MYO1E: variants seen among roughly 807,000 people sequenced by gnomAD.
MYO1E encodes the protein unconventional myosin-Ie.
A neutral mutation model predicts 151.1 loss-of-function variants in MYO1E; 68 were observed. That is an observed-to-expected ratio of 0.45 (90% CI 0.37 to 0.55). The LOEUF (loss-of-function observed/expected upper bound fraction) is 0.55. MYO1E is among the 20% of genes least tolerant of loss of function. The pLI is 0.00. For synonymous variants in MYO1E, 601 were observed against 501.7 expected (o/e 1.20, Z -2.64); for missense variants, 1,363 against 1,389.3 (o/e 0.98, Z 0.30).
chr15:59,307,687 G>A (rs1253893872), intron 1 of MYO1E, among the ~76,000 whole-genome samples: 2 of 151,778 alleles, frequency 1.3e-5, no homozygotes, highest in East Asian at 2.0e-4. Flanking sequence ...CTTGGCTCAC[G>A]GCAACCTCTG....
intron 4 of MYO1E, among the ~76,000 whole-genome samples, chr15:59,255,308 G>T (rs1358534465): frequency 1.3e-5 from 2 of 152,120 alleles, no homozygotes; most frequent in Non-Finnish European, 2.9e-5. Flanking sequence ...TGTAGAGATG[G>T]GGTTTCGCCA....
intron 1 of MYO1E, among the ~76,000 whole-genome samples, chr15:59,288,223 T>C (rs1359130161): frequency 1.3e-5 from 2 of 152,224 alleles, no homozygotes; most frequent in Non-Finnish European, 2.9e-5. Context: ...TCACCCAGGC[T>C]AGAGTGCAGT....
chr15:59,297,609 C>T (rs1048831025), intron 1 of MYO1E, among the ~76,000 whole-genome samples: 2 of 151,630 alleles, frequency 1.3e-5, no homozygotes, highest in Non-Finnish European at 2.9e-5. Flanking sequence ...GAGACAGGGT[C>T]GTGCTCTTGT....
chr15:59,342,153 C>G (rs1484839181), intron 1 of MYO1E, among the ~76,000 whole-genome samples: 1 of 152,166 alleles, frequency 6.6e-6, no homozygotes, highest in Non-Finnish European at 1.5e-5. Flanking sequence ...TTTTCATACA[C>G]CTGTTTGCCA....
intron 4 of MYO1E, among the ~76,000 whole-genome samples, chr15:59,249,113 T>C (rs1156639671): frequency 6.6e-6 from 1 of 152,062 alleles, no homozygotes; most frequent in East Asian, 1.9e-4. Context: ...TCTCCTTCCT[T>C]GATTTATTTC....
At chr15:59,161,263 A>C in intron 23 of MYO1E, 33 bp from the exon 24 acceptor site, 1 of 1,610,012 alleles carries the variant, frequency 6.2e-7, no homozygotes, top group Non-Finnish European at 8.5e-7. Context: ...AACAGGTCGA[A>C]GGACGCAGTG....
intron 4 of MYO1E, among the ~76,000 whole-genome samples, chr15:59,248,794 GA>G (rs779710089): frequency 6.6e-6 from 1 of 152,188 alleles, no homozygotes; most frequent in Non-Finnish European, 1.5e-5. Context: ...CACATCTTCA[GA>G]TAGAGGTGAC....
rs181147789 is a variant in MYO1E, at chr15:59,293,087, A to G, written c.4-20638T>C. On this transcript the variant is annotated intron_variant, in intron 1 of 27. Coordinates refer to ENST00000288235, the MANE Select transcript of MYO1E (RefSeq NM_004998.4). ...CACCACAGGTAAGGAATAAGTCTGCACTGAGTGGGAGAAAACAGTTTAGAA... is the reference window on the plus strand; with the variant it reads ...CACCACAGGTAAGGAATAAGTCTGCGCTGAGTGGGAGAAAACAGTTTAGAA... 8.3e-4 allele frequency among the ~76,000 whole-genome samples: 126 copies of G among 152,296 alleles called. 2 individuals carry two copies. Among genetic ancestry groups the G allele is most frequent in the Middle Eastern group, 3.4e-3 (1 of 294 alleles).
intron 26 of MYO1E, among the ~76,000 whole-genome samples, chr15:59,147,911 G>C (rs1021088999): frequency 3.8e-4 from 58 of 152,250 alleles, no homozygotes; most frequent in African/African-American, 1.3e-3. Context: ...CCTTCATGGA[G>C]TCCACAGCTC....
intron 1 of MYO1E, among the ~76,000 whole-genome samples, chr15:59,365,595 A>T (rs927627363): frequency 5.7e-4 from 87 of 152,338 alleles, no homozygotes; most frequent in African/African-American, 1.9e-3. Flanking sequence ...TCTCTCTGTG[A>T]AGTTAACAAA....
At chr15:59,183,516 G>C (rs543937353) in intron 18 of MYO1E, among the ~76,000 whole-genome samples, 1 of 151,988 alleles carries the variant, frequency 6.6e-6, no homozygotes. Context: ...GTTTTTTTTG[G>C]GGGGTGGATA....
At chr15:59,147,596 C>CAAAA (rs748173480) in intron 26 of MYO1E, among the ~76,000 whole-genome samples, 1,268 of 66,030 alleles carry the variant, frequency 0.019, 121 homozygotes, top group Middle Eastern at 0.054. Flanking sequence ...GACTCTGTCT[C>CAAAA]AAAAAAAAAA....
At chr15:59,164,183 T>C (rs1298344249) in intron 22 of MYO1E, among the ~76,000 whole-genome samples, 1 of 152,116 alleles carries the variant, frequency 6.6e-6, no homozygotes, top group Non-Finnish European at 1.5e-5. Flanking sequence ...AGCAACAACA[T>C]GTATGTAATT....
chr15:59,341,795 T>C (rs1452660646), intron 1 of MYO1E, among the ~76,000 whole-genome samples: 1 of 152,220 alleles, frequency 6.6e-6, no homozygotes, highest in Admixed American at 6.5e-5. Flanking sequence ...ATTCCAAATA[T>C]TTGCTATTGT....
intron 14 of MYO1E, chr15:59,207,412 T>C: frequency 6.2e-7 from 1 of 1,614,044 alleles, no homozygotes; most frequent in Non-Finnish European, 8.5e-7. Context: ...GCGCCTTAAT[T>C]TAGTCCAGCG....
At chr15:59,146,327 TTTTG>T (rs1408380449) in intron 26 of MYO1E, among the ~76,000 whole-genome samples, 1 of 152,208 alleles carries the variant, frequency 6.6e-6, no homozygotes, top group Non-Finnish European at 1.5e-5. Context: ...TTTTGTTTTG[TTTTG>T]TTTGAGACAG....
intron 17 of MYO1E, among the ~76,000 whole-genome samples, chr15:59,190,250 G>A (rs2079724978): frequency 6.6e-6 from 1 of 152,216 alleles, no homozygotes; most frequent in African/African-American, 2.4e-5. Flanking sequence ...AAGATGGAAT[G>A]TCAGGATTGT....
intron 1 of MYO1E, among the ~76,000 whole-genome samples, chr15:59,290,214 C>T (rs915485359): frequency 3.9e-5 from 6 of 152,110 alleles, no homozygotes; most frequent in South Asian, 2.1e-4. Flanking sequence ...ATTAAGGCTA[C>T]GGTAGAAGAC....
At chr15:59,163,990 A>G (rs555174994) in intron 22 of MYO1E, among the ~76,000 whole-genome samples, 13 of 152,352 alleles carry the variant, frequency 8.5e-5, no homozygotes, top group Admixed American at 7.2e-4. Flanking sequence ...CTTTGCGGGA[A>G]CTGCATGTTT....
Sources: gnomAD v4.1 joint callset for allele counts (sites outside exome capture counted in the v4.1 genomes callset) on GRCh38, gnomAD v4.1.1 for gene constraint, MANE v1.5 for transcripts, NCBI Gene and HGNC (gene_info 2026-07-23, HGNC 2026-07-21) for gene names.